Variants in IQGAP1 observed in about 807,000 individuals in gnomAD.
IQGAP1 encodes the protein IQ motif containing GTPase activating protein 1.
In IQGAP1, 66 loss-of-function variants were observed where a neutral mutation model predicts 215.6. That is an observed-to-expected ratio of 0.31 (90% confidence interval 0.25 to 0.38). The LOEUF is 0.38. Ranked by LOEUF, IQGAP1 falls within the 10% of genes least tolerant of loss-of-function variation. The pLI is 1.00. For synonymous variants in IQGAP1, 772 were observed against 728.7 expected, an observed-to-expected ratio of 1.06 and a Z score of -0.96; for missense variants, 1,712 against 1,997.1, an observed-to-expected ratio of 0.86 and a Z score of 2.72.
chr15:90,444,289 A>ATATT (rs1555437805), intron 9 of IQGAP1, among the ~76,000 whole-genome samples: 15 of 117,464 alleles, frequency 1.3e-4, no homozygotes, highest in African/African-American at 4.7e-4. Flanking sequence ...GTATATATAT[A>ATATT]TTTTTTTTTT....
At chr15:90,434,114 C>T (rs1369072786) in intron 5 of IQGAP1, among the ~76,000 whole-genome samples, 1 of 151,980 alleles carries the variant, frequency 6.6e-6, no homozygotes, top group African/African-American at 2.4e-5. Context: ...AGGTCCTTGC[C>T]ATTGTTAAGC....
chr15:90,473,578 G>A, intron 19 of IQGAP1, 137 bp from the exon 20 acceptor site: 1 of 634,156 alleles, frequency 1.6e-6, no homozygotes, highest in South Asian at 1.9e-5. Context: ...TTGTTCCCCT[G>A]TCACTGCTGG....
intron 36 of IQGAP1, among the ~76,000 whole-genome samples, chr15:90,496,203 T>C (rs1258032267): frequency 6.6e-6 from 1 of 151,932 alleles, no homozygotes; most frequent in African/African-American, 2.4e-5. Flanking sequence ...TTTTGCATCT[T>C]TCATGGTTCT....
chr15:90,427,613 A>T (rs1291603776), intron 3 of IQGAP1, among the ~76,000 whole-genome samples: 1 of 151,660 alleles, frequency 6.6e-6, no homozygotes, highest in Non-Finnish European at 1.5e-5. Flanking sequence ...GGTGGCGCAC[A>T]CCTGTAATCC....
intron 33 of IQGAP1, among the ~76,000 whole-genome samples, chr15:90,491,009 CCG>C (rs1567144050): frequency 6.6e-5 from 10 of 152,140 alleles, no homozygotes; most frequent in African/African-American, 2.4e-4. Flanking sequence ...GACGGTTTCA[CCG>C]TGTTAGTCAG....
chr15:90,471,980 A>G (rs1282647767), intron 18 of IQGAP1, among the ~76,000 whole-genome samples: 1 of 152,214 alleles, frequency 6.6e-6, no homozygotes, highest in Non-Finnish European at 1.5e-5. Context: ...CAATAGCAGC[A>G]TTGTAATTCA....
intron 15 of IQGAP1, among the ~76,000 whole-genome samples, chr15:90,458,404 T>G (rs1409615777): frequency 6.6e-6 from 1 of 152,226 alleles, no homozygotes; most frequent in Non-Finnish European, 1.5e-5. Context: ...AGTTGTATCT[T>G]CAATCTACTT....
intron 2 of IQGAP1, chr15:90,392,004 ACAAC>A (rs1964642679): frequency 6.6e-6 from 1 of 152,224 alleles, no homozygotes; most frequent in Non-Finnish European, 1.5e-5. Context: ...AGAGAACAGT[ACAAC>A]AAACATCATT....
At chr15:90,488,783 C>T (rs1433747544) in intron 33 of IQGAP1, among the ~76,000 whole-genome samples, 1 of 151,908 alleles carries the variant, frequency 6.6e-6, no homozygotes, top group Non-Finnish European at 1.5e-5. Context: ...GGCAGGAGAG[C>T]GATGTGAACA....
At chr15:90,482,773 A>G (rs970954485) in intron 28 of IQGAP1, 1 of 973,140 alleles carries the variant, frequency 1.0e-6, no homozygotes, top group Admixed American at 5.3e-5. Flanking sequence ...ATTTCTTCTG[A>G]ATGAAACTCT....
At chr15:90,484,735 T>A (rs778066567) in intron 30 of IQGAP1, among the ~76,000 whole-genome samples, 2 of 152,068 alleles carry the variant, frequency 1.3e-5, no homozygotes, top group African/African-American at 2.4e-5. Context: ...GGTGTCGATA[T>A]CCTGACCTCA....
At chr15:90,411,820 G>A (rs1964970304) in intron 2 of IQGAP1, among the ~76,000 whole-genome samples, 1 of 152,188 alleles carries the variant, frequency 6.6e-6, no homozygotes, top group Non-Finnish European at 1.5e-5. Flanking sequence ...TAGATAGACA[G>A]CTGACCATGG....
Position 90,466,285 on chromosome 15 carries a change from T to G in IQGAP1, c.1884T>G (p.Phe628Leu). 3 of 1,614,190 alleles carry G rather than the reference T, an allele frequency of 1.9e-6. No homozygotes were observed. In the South Asian group the frequency reaches 3.3e-5, roughly 18 times the overall value. ...QEAQKFALGI[F>L]AINEAVESGD... Reference sequence around the variant, plus strand: ...CCGAAATAGTTGCCTTAGGAATCTTTGCCATTAATGAGGCAGTAGAAAGTG... The same window carrying G: ...CCGAAATAGTTGCCTTAGGAATCTTGGCCATTAATGAGGCAGTAGAAAGTG... Residue 628 changes from phenylalanine to leucine, a missense_variant, in exon 17 of 38, where the codon TTT (phenylalanine) becomes TTG (leucine). Phe to Leu is a conservative substitution (Grantham distance 22). Transcript: ENST00000268182.
At chr15:90,426,870 T>C (rs555334567) in intron 3 of IQGAP1, among the ~76,000 whole-genome samples, 2 of 151,442 alleles carry the variant, frequency 1.3e-5, no homozygotes, top group South Asian at 2.1e-4. Context: ...GGAGAATCGC[T>C]TGAACCCGGG....
intron 4 of IQGAP1, among the ~76,000 whole-genome samples, chr15:90,432,099 A>G (rs541798289): frequency 4.6e-5 from 7 of 152,178 alleles, no homozygotes; most frequent in African/African-American, 1.7e-4. Flanking sequence ...AGACTTGCTG[A>G]CATAAGATAA....
chr15:90,438,598 T>G (rs1052230387), intron 5 of IQGAP1, among the ~76,000 whole-genome samples: 1 of 152,238 alleles, frequency 6.6e-6, no homozygotes, highest in African/African-American at 2.4e-5. Context: ...GAATTCAGTT[T>G]AAGTAAGATT....
chr15:90,439,258 C>G, intron 5 of IQGAP1, 74 bp from the exon 6 acceptor site: 2 of 1,031,012 alleles, frequency 1.9e-6, no homozygotes, highest in Non-Finnish European at 3.0e-6. Context: ...ATACTTCATG[C>G]TGATTTTCGC....
At chr15:90,390,704 C>G in intron 1 of IQGAP1, 70 bp from the exon 2 acceptor site, 2 of 1,045,608 alleles carry the variant, frequency 1.9e-6, no homozygotes, top group South Asian at 1.3e-5. Context: ...GAAATTGATT[C>G]TGTGGCAATC....
At position 90,467,660 on chromosome 15, in the gene IQGAP1, G is replaced by C. The variant is rs985300860; in HGVS notation, c.2178+68G>C. Reference sequence around the variant, plus strand: ...GTTTTCAAGCTATAATATTAATTAAGAGGAACAGGGCATGTGGTCAGAAGC... The same window carrying C: ...GTTTTCAAGCTATAATATTAATTAACAGGAACAGGGCATGTGGTCAGAAGC... On this transcript the variant is annotated intron_variant, in intron 18 of 37. Transcript: ENST00000268182. The C allele has an allele frequency of 3.4e-6, 5 of 1,475,868 alleles. No individual in the cohort carries two copies. In the African/African-American group the frequency reaches 7.2e-5, roughly 21 times the overall value. 91.4% of individuals were successfully genotyped at this position (1,475,868 alleles called of 1,614,324 possible).
Sources: allele counts gnomAD v4.1 joint callset (sites outside exome capture counted in the v4.1 genomes callset), GRCh38; gene constraint gnomAD v4.1.1; transcripts MANE v1.5; gene names NCBI Gene and HGNC (gene_info 2026-07-23, HGNC 2026-07-21).